Variants in AMBRA1 observed in about 807,000 individuals in gnomAD.
The protein encoded by AMBRA1 is activating molecule in BECN1-regulated autophagy protein 1.
AMBRA1 carries 47 observed loss-of-function variants against 125.4 expected under a neutral mutation model. The observed-to-expected ratio is 0.37, with a 90% CI of 0.30 to 0.48. The LOEUF is 0.48. Among genes scored for constraint, AMBRA1 ranks in the 20% least tolerant of loss-of-function variants. The pLI is 0.99. For missense variants in AMBRA1, 1,331 were observed against 1,693.4 expected, an observed-to-expected ratio of 0.79 and a Z score of 3.76; for synonymous variants, 626 against 655.5, an observed-to-expected ratio of 0.95 and a Z score of 0.69.
chr11:46,439,174 C>T (rs542365038), intron 12 of AMBRA1, among the ~76,000 whole-genome samples: 2 of 151,924 alleles, frequency 1.3e-5, no homozygotes, highest in East Asian at 1.9e-4. Context: ...CTTGGAAGGC[C>T]GAGGCAGGAG....
chr11:46,583,644 C>A (rs1591189285), intron 1 of AMBRA1, among the ~76,000 whole-genome samples: 3 of 8,536 alleles, frequency 3.5e-4, no homozygotes, highest in African/African-American at 4.8e-4. Flanking sequence ...TGAACTCAAA[C>A]AAATTTCCAA....
intron 13 of AMBRA1, among the ~76,000 whole-genome samples, chr11:46,434,518 A>G (rs528163341): frequency 4.2e-4 from 64 of 152,258 alleles, no homozygotes; most frequent in Middle Eastern, 3.4e-3. Context: ...TTATTTCCTT[A>G]AAAGCTGGAT....
chr11:46,419,463 A>G (rs1946739263), intron 14 of AMBRA1, among the ~76,000 whole-genome samples: 1 of 152,196 alleles, frequency 6.6e-6, no homozygotes, highest in African/African-American at 2.4e-5. Flanking sequence ...ATTAAAAGAG[A>G]TGATGTATAA....
chr11:46,487,338 G>A (rs1336139914), intron 11 of AMBRA1, among the ~76,000 whole-genome samples: 1 of 148,512 alleles, frequency 6.7e-6, no homozygotes, highest in Non-Finnish European at 1.5e-5. Context: ...CAAGTAAATT[G>A]TTGTTAACCA....
intron 11 of AMBRA1, among the ~76,000 whole-genome samples, chr11:46,474,166 GA>G (rs1021333272): frequency 4.4e-4 from 59 of 133,992 alleles, no homozygotes; most frequent in Admixed American, 7.4e-4. Context: ...GATTTAGGAA[GA>G]AAAAAAAAAA....
intron 7 of AMBRA1, among the ~76,000 whole-genome samples, chr11:46,522,596 G>C (rs1040716342): frequency 1.3e-5 from 2 of 152,162 alleles, no homozygotes; most frequent in East Asian, 1.9e-4. Flanking sequence ...GGGATATATA[G>C]GGTTTAGAAT....
chr11:46,516,725 G>A (rs546112516), intron 7 of AMBRA1, among the ~76,000 whole-genome samples: 12 of 152,078 alleles, frequency 7.9e-5, no homozygotes, highest in Admixed American at 2.0e-4. Flanking sequence ...GACCCACTGC[G>A]CCCGGCCAAA....
chr11:46,401,965 C>A (rs968955570), intron 17 of AMBRA1, among the ~76,000 whole-genome samples: 1 of 152,192 alleles, frequency 6.6e-6, no homozygotes, highest in Non-Finnish European at 1.5e-5. Context: ...CTGCCCTGTC[C>A]CCCACATTCC....
chr11:46,469,073 GCGGAGGTTGCAGTGAGCCGAAATCA>G (rs1201373240), intron 11 of AMBRA1, among the ~76,000 whole-genome samples: 6 of 152,114 alleles, frequency 3.9e-5, no homozygotes, highest in Admixed American at 3.9e-4. Context: ...AACCTGGGAG[GCGGAGGTTGCAGTGAGCCGAAATCA>G]CGCCACTGAA....
chr11:46,481,044 C>G (rs532667644), intron 11 of AMBRA1, among the ~76,000 whole-genome samples: 1 of 152,328 alleles, frequency 6.6e-6, no homozygotes, highest in South Asian at 2.1e-4. Context: ...GTCCTCTTGG[C>G]TCTTTTGGCT....
intron 9 of AMBRA1, among the ~76,000 whole-genome samples, chr11:46,503,842 G>A (rs1565226669): frequency 6.6e-6 from 1 of 152,154 alleles, no homozygotes; most frequent in Non-Finnish European, 1.5e-5. Context: ...TTGTGAATAA[G>A]AGACTTCTGT....
chr11:46,517,787 C>T (rs901253824), intron 7 of AMBRA1, among the ~76,000 whole-genome samples: 192 of 145,258 alleles, frequency 1.3e-3, no homozygotes, highest in African/African-American at 4.7e-3. Flanking sequence ...GCCAAGATCG[C>T]GCCACTGCAC....
chr11:46,548,189 G>A (rs1327363498), intron 2 of AMBRA1, 57 bp downstream of exon 2: 5 of 1,608,502 alleles, frequency 3.1e-6, no homozygotes, highest in Non-Finnish European at 4.2e-6. Context: ...CCATTCTAAG[G>A]TCTCATTCTA....
At chr11:46,491,381 T>C (rs542513916) in intron 11 of AMBRA1, 2 of 152,334 alleles carry the variant, frequency 1.3e-5, no homozygotes, top group South Asian at 2.1e-4. Context: ...AATTAGGTAA[T>C]CGCACCTATC....
At chr11:46,557,977 G>A (rs543519434) in intron 1 of AMBRA1, among the ~76,000 whole-genome samples, 97 of 152,054 alleles carry the variant, frequency 6.4e-4, no homozygotes, top group African/African-American at 2.3e-3. Flanking sequence ...GAGAGGACCT[G>A]CATGATAAGA....
At chr11:46,527,168 T>A (rs891650474) in intron 7 of AMBRA1, among the ~76,000 whole-genome samples, 3 of 152,058 alleles carry the variant, frequency 2.0e-5, no homozygotes, top group African/African-American at 7.2e-5. Context: ...TAAGGCTATT[T>A]GTGCTACCTC....
rs114328254 is a variant in AMBRA1, at chr11:46,416,128, C to T, written c.3116+1785G>A. ...GAAACAGGGAAAGAAAGGCCTGTAACTGAAGTGTAAGTAAGAGTAGAATCA... is the reference window on the plus strand; with the variant it reads ...GAAACAGGGAAAGAAAGGCCTGTAATTGAAGTGTAAGTAAGAGTAGAATCA... On this transcript the variant is annotated intron_variant, in intron 15 of 17. Transcript: ENST00000683756. Among the ~76,000 whole-genome samples, 304 of 152,278 alleles carry T rather than the reference C, an allele frequency of 2.0e-3. 1 individual carries two copies. Among genetic ancestry groups the T allele is most frequent in the African/African-American group, 6.6e-3 (273 of 41,556 alleles).
chr11:46,497,946 A>G (rs1474285741), intron 9 of AMBRA1, among the ~76,000 whole-genome samples: 1 of 152,216 alleles, frequency 6.6e-6, no homozygotes, highest in African/African-American at 2.4e-5. Flanking sequence ...AGGGAGAGGG[A>G]TAAGTTCCAA....
intron 7 of AMBRA1, among the ~76,000 whole-genome samples, chr11:46,528,814 C>T (rs192512446): frequency 3.3e-5 from 5 of 152,138 alleles, no homozygotes; most frequent in Non-Finnish European, 7.4e-5. Flanking sequence ...CATGTGCCAA[C>T]AGAACAAAGA....
Sources: allele counts gnomAD v4.1 joint callset (sites outside exome capture counted in the v4.1 genomes callset), GRCh38; gene constraint gnomAD v4.1.1; transcripts MANE v1.5; gene names NCBI Gene and HGNC (gene_info 2026-07-23, HGNC 2026-07-21).